Variants in CWF19L2 observed in about 807,000 individuals in gnomAD.
CWF19L2 encodes the protein CWF19-like protein 2.
A neutral mutation model predicts 111.7 loss-of-function variants in CWF19L2; 98 were observed. The ratio of observed to expected loss-of-function variants is 0.88; its 90% CI spans 0.75 to 1.04. The LOEUF (loss-of-function observed/expected upper bound fraction) is 1.04. Ranked by LOEUF, CWF19L2 falls within the 50% of genes least tolerant of loss-of-function variation. CWF19L2 has a pLI of 0.00. For synonymous variants in CWF19L2, 351 were observed against 342.9 expected (o/e 1.02, Z -0.26); for missense variants, 1,101 against 1,051.4 (o/e 1.05, Z -0.65).
rs1472296126 is a variant in CWF19L2, at chr11:107,351,450, G to C, written c.2085+2074C>G. Among the ~76,000 whole-genome samples, 5 of 152,212 alleles carry C rather than the reference G, an allele frequency of 3.3e-5. No individual in the cohort carries two copies. In the East Asian group the frequency reaches 9.7e-4, roughly 29 times the overall value. Reference sequence around the variant, plus strand: ...TCACCTAAGTTTCAGATGTTTACTAGATATCCAAGTGGAAAAGTAGGTTGG... The same window carrying C: ...TCACCTAAGTTTCAGATGTTTACTACATATCCAAGTGGAAAAGTAGGTTGG... On this transcript the variant is annotated intron_variant, in intron 13 of 17. Transcript: ENST00000282251.
chr11:107,432,033 G>A (rs1861472277), intron 7 of CWF19L2, among the ~76,000 whole-genome samples: 1 of 152,012 alleles, frequency 6.6e-6, no homozygotes, highest in Non-Finnish European at 1.5e-5. Flanking sequence ...TTGTGGGGTG[G>A]GGAAGGCCTG....
chr11:107,361,718 T>TTA (rs1860341056), intron 12 of CWF19L2, among the ~76,000 whole-genome samples: 1 of 152,254 alleles, frequency 6.6e-6, no homozygotes, highest in Non-Finnish European at 1.5e-5. Flanking sequence ...TTCCTAGGTA[T>TTA]TATTTTTTAT....
chr11:107,413,226 A>C (rs1176524385), intron 10 of CWF19L2, among the ~76,000 whole-genome samples: 1 of 152,216 alleles, frequency 6.6e-6, no homozygotes, highest in Non-Finnish European at 1.5e-5. Flanking sequence ...ATGGAGGGGC[A>C]GGAAGTGTAT....
At chr11:107,416,076 G>A (rs978841761) in intron 10 of CWF19L2, 133 bp downstream of exon 10, 19 of 213,442 alleles carry the variant, frequency 8.9e-5, no homozygotes, top group African/African-American at 3.7e-4. Context: ...CAGCCTGGGC[G>A]ACAGAGCAAG....
intron 1 of CWF19L2, among the ~76,000 whole-genome samples, chr11:107,457,196 A>T (rs17106969): frequency 0.053 from 8,086 of 152,270 alleles, 243 homozygotes; most frequent in East Asian, 0.11. Context: ...GGCTAAATAT[A>T]CTGAGATTGG....
At position 107,326,804 on chromosome 11, in the gene CWF19L2, C is replaced by T. The variant is rs1480020917; in HGVS notation, c.*106G>A. On this transcript the variant is annotated 3_prime_UTR_variant, in exon 18 of 18. Transcript: ENST00000282251. ...GTCACTGACCCAGAGCAGTCTGCTG[C>T]TGTGACTCTCTCTGCCTGTGACCTG... 2.2e-6 allele frequency: 2 copies of T among 922,844 alleles called. No individual in the cohort carries two copies. The highest frequency in any genetic ancestry group is 2.7e-5 in the East Asian group (1 of 37,494). 57.2% of individuals were successfully genotyped at this position (922,844 alleles called of 1,614,324 possible).
intron 12 of CWF19L2, among the ~76,000 whole-genome samples, chr11:107,369,143 C>A (rs1332692624): frequency 7.3e-6 from 1 of 137,902 alleles, no homozygotes; most frequent in Non-Finnish European, 1.6e-5. Flanking sequence ...ACTATATCAG[C>A]AAGAGTTACA....
At chr11:107,340,475 T>A (rs776208854) in intron 14 of CWF19L2, among the ~76,000 whole-genome samples, 10 of 152,296 alleles carry the variant, frequency 6.6e-5, no homozygotes, top group Non-Finnish European at 1.0e-4. Context: ...GTTGAGAATA[T>A]TTGGTTGTGT....
At chr11:107,340,174 C>G (rs1355346053) in intron 14 of CWF19L2, among the ~76,000 whole-genome samples, 1 of 151,986 alleles carries the variant, frequency 6.6e-6, no homozygotes, top group Non-Finnish European at 1.5e-5. Flanking sequence ...ATTTTTGTTT[C>G]CATGGATTAT....
chr11:107,353,676 C>G lies in CWF19L2; in HGVS notation c.1933G>C (p.Ala645Pro). 1.9e-6 allele frequency: 3 copies of G among 1,613,782 alleles called. No homozygotes were observed. The South Asian group carries it at 3.3e-5, about 18-fold the overall frequency. The change falls in exon 13 of 18, where the codon GCT (alanine) becomes CCT (proline). Residue 645 changes from alanine (A) to proline (P), a missense_variant. Ala to Pro is a conservative substitution (Grantham distance 27). Coordinates refer to ENST00000282251, the MANE Select transcript of CWF19L2 (RefSeq NM_152434.3). ...TLDDMFVSKA[A>P]ERERLGEEEE... ...TCTTCACCAAGACGTTCTCTCTCAG[C>G]TGCTTTGGAGACAAACATGTCATCC...
At chr11:107,360,227 C>A (rs1860304607) in intron 12 of CWF19L2, among the ~76,000 whole-genome samples, 2 of 152,122 alleles carry the variant, frequency 1.3e-5, no homozygotes, top group Admixed American at 6.6e-5. Context: ...CTTTCTGTGC[C>A]CGACTTGTTT....
chr11:107,438,110 A>C (rs1861568272), intron 6 of CWF19L2, among the ~76,000 whole-genome samples: 1 of 152,234 alleles, frequency 6.6e-6, no homozygotes, highest in Non-Finnish European at 1.5e-5. Context: ...TACATAAAAT[A>C]CAGAAGAATT....
chr11:107,433,645 C>A lies in CWF19L2; in HGVS notation c.769G>T (p.Glu257Ter), dbSNP rs769476939. 2 of 1,542,000 alleles carry A rather than the reference C, an allele frequency of 1.3e-6. No individual in the cohort carries two copies. The highest frequency in any genetic ancestry group is 3.7e-5 in the Admixed American group (2 of 54,306). ...QSRNFEDIVA[E>*]RYGSMEIFQS... Reference sequence around the variant, plus strand: ...AAACAGATACTCACCCCATATCTTTCGGCTACAATGTCCTCAAAGTTTCTA... The same window carrying A: ...AAACAGATACTCACCCCATATCTTTAGGCTACAATGTCCTCAAAGTTTCTA... The change falls in exon 7 of 18, where the codon GAA (glutamate) becomes TAA (stop). Residue 257 changes from glutamate (E) to a stop codon, truncating the protein, a stop_gained. Transcript: ENST00000282251. LOFTEE classifies it high-confidence loss of function.
intron 12 of CWF19L2, among the ~76,000 whole-genome samples, chr11:107,383,759 T>C (rs955703852): frequency 1.3e-5 from 2 of 152,078 alleles, no homozygotes; most frequent in South Asian, 4.1e-4. Flanking sequence ...TAAACAAATA[T>C]AAGGTACTAA....
chr11:107,457,545 A>G (rs1434959772), intron 1 of CWF19L2, among the ~76,000 whole-genome samples, 167 bp downstream of exon 1: 1 of 152,200 alleles, frequency 6.6e-6, no homozygotes, highest in African/African-American at 2.4e-5. Context: ...ACATCTAAAA[A>G]ATCGGTAGCT....
intron 5 of CWF19L2, among the ~76,000 whole-genome samples, chr11:107,440,627 T>C (rs528684436): frequency 8.5e-5 from 13 of 152,090 alleles, no homozygotes; most frequent in Non-Finnish European, 1.3e-4. Flanking sequence ...CTGAGGACAA[T>C]TGACAAGAGG....
chr11:107,436,796 G>C (rs886737282), intron 6 of CWF19L2, among the ~76,000 whole-genome samples: 1 of 152,194 alleles, frequency 6.6e-6, no homozygotes, highest in South Asian at 2.1e-4. Context: ...AGAAGACCTG[G>C]GTTCTAGTAC....
Position 107,455,689 on chromosome 11 carries a change from C to G in CWF19L2, c.193G>C (p.Glu65Gln). The change falls in exon 2 of 18, where the codon GAG (glutamate) becomes CAG (glutamine). Residue 65 changes from glutamate to glutamine, a missense_variant. Physicochemically the swap from Glu to Gln is conservative, Grantham distance 29. Transcript: ENST00000282251. ...EDTWMLPDVNERIEQFSQEHS... is the reference protein window; with the variant it reads ...EDTWMLPDVNQRIEQFSQEHS... ...ACCTGTGAGAACTGTTCAATTCTCT[C>G]ATTCACATCAGGTAGCATCCATGTA... 4 of 1,549,412 alleles carry G rather than the reference C, an allele frequency of 2.6e-6. No homozygotes were observed. Among genetic ancestry groups the G allele is most frequent in the Non-Finnish European group, 2.6e-6 (3 of 1,145,258 alleles).
At chr11:107,442,187 A>C (rs1317786991) in intron 4 of CWF19L2, among the ~76,000 whole-genome samples, 4 of 152,206 alleles carry the variant, frequency 2.6e-5, no homozygotes, top group Non-Finnish European at 5.9e-5. Flanking sequence ...GAAAGCCTCT[A>C]AGGAACGAGA....
Sources: gnomAD v4.1 joint callset for allele counts (sites outside exome capture counted in the v4.1 genomes callset) on GRCh38, gnomAD v4.1.1 for gene constraint, MANE v1.5 for transcripts, NCBI Gene and HGNC (gene_info 2026-07-23, HGNC 2026-07-21) for gene names.